NSUN3: variants seen among roughly 807,000 people sequenced by gnomAD.
NSUN3 encodes tRNA (cytosine(34)-C(5))-methyltransferase, mitochondrial.
In NSUN3, 24 loss-of-function variants were observed where a neutral mutation model predicts 36.8. That is an observed-to-expected ratio of 0.65 (90% CI 0.47 to 0.92). The LOEUF is 0.92. Among genes scored for constraint, NSUN3 ranks in the 40% least tolerant of loss-of-function variants. NSUN3 has a pLI of 0.00. For synonymous variants in NSUN3, 146 were observed against 145.2 expected, an observed-to-expected ratio of 1.01 and a Z score of -0.04; for missense variants, 381 against 392.8, an observed-to-expected ratio of 0.97 and a Z score of 0.25.
At chr3:94,094,359 G>A in intron 4 of NSUN3, 65 bp downstream of exon 4, 1 of 1,472,556 alleles carries the variant, frequency 6.8e-7, no homozygotes, top group Non-Finnish European at 9.2e-7. Flanking sequence ...GTTGCTTTGT[G>A]GTTGTTATTT....
chr3:94,070,794 T>A (rs2077222280), intron 2 of NSUN3, among the ~76,000 whole-genome samples: 1 of 152,218 alleles, frequency 6.6e-6, no homozygotes, highest in Non-Finnish European at 1.5e-5. Flanking sequence ...AGTGTCAGTG[T>A]GAGAAAGCAA....
At chr3:94,085,621 T>A (rs2077289713) in intron 3 of NSUN3, among the ~76,000 whole-genome samples, 2 of 152,158 alleles carry the variant, frequency 1.3e-5, no homozygotes. Flanking sequence ...TACCTGGGTA[T>A]GGTGGTGCAT....
intron 5 of NSUN3, among the ~76,000 whole-genome samples, chr3:94,101,525 A>C (rs1376444930): frequency 6.6e-6 from 1 of 152,156 alleles, no homozygotes; most frequent in East Asian, 1.9e-4. Flanking sequence ...ATCCATATAG[A>C]GGTAGAAGAA....
At chr3:94,099,049 A>G (rs761970653) in intron 5 of NSUN3, among the ~76,000 whole-genome samples, 6 of 152,210 alleles carry the variant, frequency 3.9e-5, no homozygotes, top group Admixed American at 2.0e-4. Flanking sequence ...TAAAAACAGT[A>G]TATTACACGG....
At chr3:94,097,553 C>A (rs372326769) in intron 5 of NSUN3, among the ~76,000 whole-genome samples, 112 of 152,012 alleles carry the variant, frequency 7.4e-4, no homozygotes, top group African/African-American at 2.7e-3. Flanking sequence ...TTGTCTCATC[C>A]GACAGGTCTG....
In NSUN3 at chr3:94,097,162, A is replaced by T. The variant is rs576271300; in HGVS notation, c.743+2008A>T. On this transcript the variant is annotated intron_variant, in intron 5 of 5. Transcript: ENST00000314622. ...TAGAATTTTTAAAACATTTTTAATT[A>T]TACAGGTAACACATGAAACCATTTT... is the stretch of plus-strand genomic sequence containing the variant. 1.9e-3 allele frequency among the ~76,000 whole-genome samples: 287 copies of T among 152,294 alleles called. 3 individuals carry two copies. Among genetic ancestry groups the T allele is most frequent in the Non-Finnish European group, 3.3e-3 (227 of 68,022 alleles).
rs1181101574 is a variant in NSUN3 at position 94,130,602 on chromosome 3, C to G, written c.*4112C>G. 6.6e-6 allele frequency among the ~76,000 whole-genome samples: 1 copy of G among 152,152 alleles called. No homozygotes were observed. Among genetic ancestry groups the G allele is most frequent in the Admixed American group, 6.5e-5 (1 of 15,274 alleles). ...TGTTATTTTCTTAGATCACTGGTTTCTCAGAACATGTCTTTCTGCATGGCC... is the reference window on the plus strand; with the variant it reads ...TGTTATTTTCTTAGATCACTGGTTTGTCAGAACATGTCTTTCTGCATGGCC... On this transcript the variant is annotated 3_prime_UTR_variant, in exon 6 of 6. Transcript: ENST00000314622.
intron 5 of NSUN3, among the ~76,000 whole-genome samples, chr3:94,095,806 G>A (rs1424900762): frequency 6.6e-6 from 1 of 152,052 alleles, no homozygotes; most frequent in Admixed American, 6.5e-5. Context: ...GAGTGCAGTG[G>A]TGCAATCTCG....
chr3:94,100,866 T>C (rs1486314887), intron 5 of NSUN3, among the ~76,000 whole-genome samples: 1 of 152,198 alleles, frequency 6.6e-6, no homozygotes, highest in Non-Finnish European at 1.5e-5. Context: ...GAATTTCAAC[T>C]TTTGGAAAGA....
chr3:94,121,258 C>CA (rs1363311506), intron 5 of NSUN3, among the ~76,000 whole-genome samples: 1 of 152,168 alleles, frequency 6.6e-6, no homozygotes, highest in Non-Finnish European at 1.5e-5. Flanking sequence ...AAGCAGCTCA[C>CA]ATACCTGAGC....
intron 2 of NSUN3, among the ~76,000 whole-genome samples, chr3:94,079,617 G>A (rs764812950): frequency 5.9e-5 from 9 of 151,980 alleles, no homozygotes; most frequent in Non-Finnish European, 8.8e-5. Context: ...TGGAGGCTTC[G>A]TTCATTCCTT....
chr3:94,066,677 T>G (rs1239289668), intron 2 of NSUN3, among the ~76,000 whole-genome samples: 1 of 152,212 alleles, frequency 6.6e-6, no homozygotes, highest in Non-Finnish European at 1.5e-5. Flanking sequence ...ATGGCATGAC[T>G]TTTATCAGTA....
rs962909788 is a variant in NSUN3 at position 94,129,353 on chromosome 3, C to T, written c.*2863C>T. ...AAGAATGAAATAATGTCTTTTGCAA[C>T]AACATGGATGCAGCTGGATGCTTTT... On this transcript the variant is annotated 3_prime_UTR_variant, in exon 6 of 6. Coordinates refer to ENST00000314622, the MANE Select transcript of NSUN3 (RefSeq NM_022072.5). Among the ~76,000 whole-genome samples, 13 of 152,160 alleles carry T rather than the reference C, an allele frequency of 8.5e-5. No homozygotes were observed. The highest frequency in any genetic ancestry group is 3.1e-4 in the African/African-American group (13 of 41,432).
chr3:94,095,142 T>C lies in NSUN3; in HGVS notation c.731T>C (p.Ile244Thr). The C allele has an allele frequency of 6.2e-7, 1 of 1,613,712 alleles. No homozygotes were observed. Among genetic ancestry groups the C allele is most frequent in the East Asian group, 2.2e-5 (1 of 44,850 alleles). ...AGGAGGAATTTGCCTCTTCTACAGA[T>C]AGAGCTGTTAAGGTAAGGACTGTTA... ...SQRRNLPLLQIELLRSAIKAL... is the reference protein window; with the variant it reads ...SQRRNLPLLQTELLRSAIKAL... The change falls in exon 5 of 6, where the codon ATA (isoleucine) becomes ACA (threonine). Residue 244 changes from isoleucine to threonine, a missense_variant. Transcript: ENST00000314622.
At chr3:94,076,109 G>C in intron 2 of NSUN3, 1 of 1,445,706 alleles carries the variant, frequency 6.9e-7, no homozygotes, top group Non-Finnish European at 9.7e-7. Context: ...CCCGTCTTCT[G>C]CATCTTCTGG....
intron 3 of NSUN3, among the ~76,000 whole-genome samples, chr3:94,093,856 C>G (rs1195323501): frequency 6.6e-6 from 1 of 152,112 alleles, no homozygotes; most frequent in Non-Finnish European, 1.5e-5. Flanking sequence ...GGTTTTACCT[C>G]TAATAAAATT....
intron 5 of NSUN3, among the ~76,000 whole-genome samples, chr3:94,098,208 A>G (rs1190648420): frequency 6.6e-6 from 1 of 152,108 alleles, no homozygotes; most frequent in East Asian, 1.9e-4. Flanking sequence ...TATTCAATCA[A>G]TCACTAAGAC....
At chr3:94,097,972 A>G (rs538427376) in intron 5 of NSUN3, among the ~76,000 whole-genome samples, 4 of 152,268 alleles carry the variant, frequency 2.6e-5, no homozygotes, top group East Asian at 3.9e-4. Flanking sequence ...TACATATTCA[A>G]TTACCGATCC....
chr3:94,091,349 A>T (rs1560034258), intron 3 of NSUN3, among the ~76,000 whole-genome samples: 1 of 152,284 alleles, frequency 6.6e-6, no homozygotes, highest in East Asian at 1.9e-4. Context: ...AGAGAAAGAG[A>T]GAGAGAGATT....
Sources: gnomAD v4.1 joint callset for allele counts (sites outside exome capture counted in the v4.1 genomes callset) on GRCh38, gnomAD v4.1.1 for gene constraint, MANE v1.5 for transcripts, NCBI Gene and HGNC (gene_info 2026-07-23, HGNC 2026-07-21) for gene names.